Variants in DLG2 observed in about 807,000 individuals in gnomAD.
DLG2 encodes the protein discs large MAGUK scaffold protein 2, also known as disks large homolog 2.
Under a neutral mutation model 132.5 loss-of-function variants are expected in DLG2, and 45 were observed. The ratio of observed to expected loss-of-function variants is 0.34; its 90% CI spans 0.27 to 0.44. The LOEUF (loss-of-function observed/expected upper bound fraction) is 0.44, where lower values mean the gene tolerates loss of function less well. Among genes scored for constraint, DLG2 ranks in the 20% least tolerant of loss-of-function variants. The pLI, the probability that DLG2 is intolerant of heterozygous loss-of-function variation, is 1.00. For synonymous variants in DLG2, 424 were observed against 419.6 expected (o/e 1.01, Z -0.13); for missense variants, 1,045 against 1,196.9 (o/e 0.87, Z 1.87).
intron 3 of DLG2, among the ~76,000 whole-genome samples, chr11:85,522,248 T>C (rs1475667515): frequency 6.6e-6 from 1 of 152,192 alleles, no homozygotes; most frequent in East Asian, 1.9e-4. Flanking sequence ...CCTTGGCAGC[T>C]TCCACACAGT....
chr11:85,448,171 T>C (rs1259984472), intron 3 of DLG2, among the ~76,000 whole-genome samples: 1 of 152,236 alleles, frequency 6.6e-6, no homozygotes, highest in Non-Finnish European at 1.5e-5. Flanking sequence ...TCATGAGGAA[T>C]AATTTTCCTG....
At chr11:83,486,340 G>C in intron 21 of DLG2, 1 of 583,008 alleles carries the variant, frequency 1.7e-6, no homozygotes, top group Non-Finnish European at 3.0e-6. Context: ...CATCACCAAT[G>C]ACTTGTCATG....
chr11:85,430,959 G>A (rs574423151), intron 3 of DLG2, among the ~76,000 whole-genome samples: 8 of 151,966 alleles, frequency 5.3e-5, no homozygotes, highest in African/African-American at 1.2e-4. Flanking sequence ...GTGACAGAGC[G>A]AGACTCTGTC....
chr11:83,520,668 A>AGAT (rs1565616050), intron 21 of DLG2, among the ~76,000 whole-genome samples: 10 of 76,154 alleles, frequency 1.3e-4, no homozygotes, highest in African/African-American at 3.3e-4. Flanking sequence ...GATAGATAGA[A>AGAT]AGAAAGACAG....
At chr11:85,343,848 G>A (rs1196810923) in intron 3 of DLG2, among the ~76,000 whole-genome samples, 3 of 152,148 alleles carry the variant, frequency 2.0e-5, no homozygotes, top group African/African-American at 4.8e-5. Context: ...AACAGGGAGT[G>A]TTTTCTTGGC....
At chr11:84,612,864 A>G (rs1321734260) in intron 6 of DLG2, among the ~76,000 whole-genome samples, 3 of 152,176 alleles carry the variant, frequency 2.0e-5, no homozygotes, top group Non-Finnish European at 2.9e-5. Context: ...CCAATACACC[A>G]GAGCTAGTAA....
intron 3 of DLG2, among the ~76,000 whole-genome samples, chr11:85,558,235 G>T (rs773252510): frequency 6.6e-6 from 1 of 151,790 alleles, no homozygotes; most frequent in Non-Finnish European, 1.5e-5. Context: ...GAGAAATGCA[G>T]ATCAAAACCA....
At chr11:85,482,834 C>T (rs1223810128) in intron 3 of DLG2, among the ~76,000 whole-genome samples, 2 of 152,164 alleles carry the variant, frequency 1.3e-5, no homozygotes, top group African/African-American at 4.8e-5. Context: ...ATGGTCCACC[C>T]CCAGTCCCAG....
At chr11:84,197,355 C>T (rs1003121089) in intron 8 of DLG2, among the ~76,000 whole-genome samples, 1 of 152,078 alleles carries the variant, frequency 6.6e-6, no homozygotes, top group Admixed American at 6.5e-5. Flanking sequence ...ATATAAAACA[C>T]AAATCATTCA....
chr11:84,847,111 C>T (rs764762597), intron 6 of DLG2, among the ~76,000 whole-genome samples: 29 of 152,222 alleles, frequency 1.9e-4, no homozygotes, highest in Non-Finnish European at 3.2e-4. Context: ...ATTATATCCA[C>T]ATAGCAATGA....
At chr11:85,319,806 CTG>C (rs1277364790) in intron 3 of DLG2, among the ~76,000 whole-genome samples, 1 of 151,806 alleles carries the variant, frequency 6.6e-6, no homozygotes, top group Admixed American at 6.6e-5. Flanking sequence ...TCTTAAAATC[CTG>C]TGTCTCTGAT....
chr11:85,380,709 G>A (rs1347909617), intron 3 of DLG2, among the ~76,000 whole-genome samples: 1 of 152,134 alleles, frequency 6.6e-6, no homozygotes, highest in Non-Finnish European at 1.5e-5. Context: ...CAGAGAAACA[G>A]AGAAGCATCA....
Position 85,396,988 on chromosome 11 carries a change from AG to A in DLG2, c.41-111624del, listed in dbSNP as rs545727208. 1.4e-4 allele frequency among the ~76,000 whole-genome samples: 21 copies of A among 152,318 alleles called. 1 individual carries two copies. The highest frequency in any genetic ancestry group is 4.1e-4 in the African/African-American group (17 of 41,564). On this transcript the variant is annotated intron_variant, in intron 3 of 27. Coordinates refer to ENST00000376104, the MANE Select transcript of DLG2 (RefSeq NM_001142699.3). ...AGACATATAATTGTCAGATTTGCCA[AG>A]GTTGAAATAAAGGAAAAAATATTAA...
At chr11:85,289,977 C>G (rs1488383480) in intron 3 of DLG2, among the ~76,000 whole-genome samples, 1 of 152,092 alleles carries the variant, frequency 6.6e-6, no homozygotes, top group Non-Finnish European at 1.5e-5. Context: ...AGTTTTTAAG[C>G]GCTATGCAAG....
intron 12 of DLG2, among the ~76,000 whole-genome samples, chr11:83,974,354 C>T (rs2091880058): frequency 6.6e-6 from 1 of 151,258 alleles, no homozygotes; most frequent in Admixed American, 6.6e-5. Flanking sequence ...CTCACATTTC[C>T]TAAAGTATTT....
chr11:84,123,106 T>C (rs139253830), intron 9 of DLG2, among the ~76,000 whole-genome samples: 56 of 152,318 alleles, frequency 3.7e-4, no homozygotes, highest in African/African-American at 1.3e-3. Context: ...AGTTTAAAAG[T>C]CAGTCCTCAA....
At chr11:84,689,395 T>A (rs76617056) in intron 6 of DLG2, among the ~76,000 whole-genome samples, 1 of 151,056 alleles carries the variant, frequency 6.6e-6, no homozygotes, top group Non-Finnish European at 1.5e-5. Flanking sequence ...AAAAAAAAAA[T>A]AGCACATAAG....
At chr11:84,932,066 GT>G (rs1487554653) in intron 6 of DLG2, among the ~76,000 whole-genome samples, 1 of 152,088 alleles carries the variant, frequency 6.6e-6, no homozygotes, top group African/African-American at 2.4e-5. Flanking sequence ...CATTCTGTAG[GT>G]TGTCTGTTTA....
At chr11:84,615,286 C>G (rs1862448941) in intron 6 of DLG2, among the ~76,000 whole-genome samples, 1 of 152,000 alleles carries the variant, frequency 6.6e-6, no homozygotes, top group Non-Finnish European at 1.5e-5. Context: ...TGATCAATAC[C>G]TAACACAAGC....
Sources: gnomAD v4.1 joint callset for allele counts (sites outside exome capture counted in the v4.1 genomes callset) on GRCh38, gnomAD v4.1.1 for gene constraint, MANE v1.5 for transcripts, NCBI Gene and HGNC (gene_info 2026-07-23, HGNC 2026-07-21) for gene names.